Variants in RC3H1 observed in about 807,000 individuals in gnomAD.
RC3H1 encodes ring finger and CCCH-type domains 1.
Under a neutral mutation model 138.2 loss-of-function variants are expected in RC3H1, and 50 were observed. The observed-to-expected ratio is 0.36, with a 90% CI of 0.29 to 0.46. The LOEUF (loss-of-function observed/expected upper bound fraction) is 0.46. Ranked by LOEUF, RC3H1 falls within the 20% of genes least tolerant of loss-of-function variation. The pLI is 1.00. For missense variants in RC3H1, 1,031 were observed against 1,388.1 expected (o/e 0.74, Z 4.09); for synonymous variants, 462 against 489.1 (o/e 0.94, Z 0.73).
chr1:173,971,770 T>C (rs1282231305), intron 8 of RC3H1, among the ~76,000 whole-genome samples: 1 of 152,222 alleles, frequency 6.6e-6, no homozygotes, highest in Admixed American at 6.5e-5. Flanking sequence ...TCCAGATTAT[T>C]TTACTTAGCA....
At chr1:173,991,553 T>C (rs748534643) in intron 2 of RC3H1, among the ~76,000 whole-genome samples, 5 of 152,236 alleles carry the variant, frequency 3.3e-5, no homozygotes, top group Non-Finnish European at 7.3e-5. Context: ...TTCCTGATCT[T>C]ACAGAAAAAG....
intron 7 of RC3H1, among the ~76,000 whole-genome samples, chr1:173,975,888 A>G (rs1660555892): frequency 2.3e-5 from 1 of 44,434 alleles, no homozygotes; most frequent in Non-Finnish European, 3.1e-5. Flanking sequence ...ACAGAGCGAG[A>G]CTCCGTCTCA....
At chr1:173,981,549 A>C (rs1660821426) in intron 5 of RC3H1, among the ~76,000 whole-genome samples, 2 of 152,232 alleles carry the variant, frequency 1.3e-5, no homozygotes, top group South Asian at 4.1e-4. Flanking sequence ...AAAAATACTA[A>C]TACAATTCTA....
chr1:173,946,638 T>C lies in RC3H1; in HGVS notation c.2829-30A>G, dbSNP rs774488580. On this transcript the variant is annotated intron_variant, in intron 16 of 19. Coordinates refer to ENST00000367696, the MANE Select transcript of RC3H1 (RefSeq NM_172071.4). ...GGTTAGAAAGAAAGTGTGAATCAAATTTTAACATTTCATTTTGTTAACATA... is the reference window on the plus strand; with the variant it reads ...GGTTAGAAAGAAAGTGTGAATCAAACTTTAACATTTCATTTTGTTAACATA... 14 of 1,610,766 alleles carry C rather than the reference T, an allele frequency of 8.7e-6. No homozygotes were observed. The African/African-American group carries it at 1.9e-4, about 22-fold the overall frequency.
At chr1:173,964,780 A>G in intron 10 of RC3H1, 59 bp downstream of exon 10, 2 of 1,405,116 alleles carry the variant, frequency 1.4e-6, no homozygotes, top group South Asian at 1.3e-5. Context: ...TAATTATTCT[A>G]TCTTCCTTCG....
At chr1:173,963,664 T>C (rs903425537) in intron 11 of RC3H1, among the ~76,000 whole-genome samples, 1 of 152,216 alleles carries the variant, frequency 6.6e-6, no homozygotes, top group African/African-American at 2.4e-5. Flanking sequence ...CAGGAGAATA[T>C]ATGCTGCCTT....
At chr1:173,975,400 G>A (rs1014136776) in intron 7 of RC3H1, among the ~76,000 whole-genome samples, 3 of 151,916 alleles carry the variant, frequency 2.0e-5, no homozygotes, top group Non-Finnish European at 2.9e-5. Context: ...GGCCGAGAAA[G>A]CAGTTTTATA....
intron 13 of RC3H1, among the ~76,000 whole-genome samples, chr1:173,960,053 A>G (rs1453685265): frequency 7.4e-6 from 1 of 134,372 alleles, no homozygotes; most frequent in Non-Finnish European, 1.5e-5. Context: ...GGTTGCAGTG[A>G]GTTGAGATTG....
chr1:173,937,951 C>T lies in RC3H1; in HGVS notation c.*770G>A, dbSNP rs770618791. On this transcript the variant is annotated 3_prime_UTR_variant, in exon 20 of 20. Coordinates refer to ENST00000367696, the MANE Select transcript of RC3H1 (RefSeq NM_172071.4). ...TAAATCTAATTAAACACTGAATCAG[C>T]TTTCTGATTATATTAAGAGAATGCA... The T allele has an allele frequency of 4.6e-5, 7 of 152,092 alleles. No homozygotes were observed. Among genetic ancestry groups the T allele is most frequent in the Non-Finnish European group, 8.8e-5 (6 of 68,014 alleles). 9.4% of individuals were successfully genotyped at this position (152,092 alleles called of 1,614,324 possible).
intron 1 of RC3H1, among the ~76,000 whole-genome samples, chr1:174,002,397 T>C (rs990223128): frequency 6.6e-6 from 1 of 152,202 alleles, no homozygotes; most frequent in African/African-American, 2.4e-5. Flanking sequence ...TTTCAGGTTG[T>C]TAAATACTAT....
At chr1:174,015,248 C>T (rs540455258) in intron 1 of RC3H1, among the ~76,000 whole-genome samples, 1 of 141,474 alleles carries the variant, frequency 7.1e-6, no homozygotes, top group South Asian at 2.2e-4. Context: ...TAATTATAGG[C>T]CTTTTTTTTT....
At chr1:173,961,419 C>T (rs1659869912) in intron 12 of RC3H1, among the ~76,000 whole-genome samples, 175 bp from the exon 13 acceptor site, 1 of 152,124 alleles carries the variant, frequency 6.6e-6, no homozygotes, top group Non-Finnish European at 1.5e-5. Flanking sequence ...CTCTCAAGAT[C>T]TTCCAAATAG....
intron 13 of RC3H1, among the ~76,000 whole-genome samples, chr1:173,960,049 A>G (rs562036456): frequency 8.4e-4 from 117 of 139,962 alleles, no homozygotes; most frequent in African/African-American, 3.1e-3. Flanking sequence ...TGGAGGTTGC[A>G]GTGAGTTGAG....
intron 2 of RC3H1, among the ~76,000 whole-genome samples, chr1:173,989,712 T>TA (rs1661182907): frequency 1.8e-5 from 2 of 109,726 alleles, no homozygotes; most frequent in African/African-American, 6.5e-5. Flanking sequence ...TTATTCAAGT[T>TA]TTTTTTTTTT....
intron 17 of RC3H1, among the ~76,000 whole-genome samples, chr1:173,944,637 G>T (rs770068647): frequency 6.6e-6 from 1 of 152,132 alleles, no homozygotes; most frequent in Non-Finnish European, 1.5e-5. Context: ...TTGGGTTGAA[G>T]GTCTGAATCT....
chr1:173,952,336 A>T (rs1659441856), intron 13 of RC3H1, among the ~76,000 whole-genome samples, 198 bp from the exon 14 acceptor site: 1 of 148,424 alleles, frequency 6.7e-6, no homozygotes, highest in Non-Finnish European at 1.5e-5. Context: ...ATATAAAATA[A>T]GTGAAGAGTG....
intron 9 of RC3H1, among the ~76,000 whole-genome samples, chr1:173,969,924 A>AT (rs942972767): frequency 6.6e-6 from 1 of 151,656 alleles, no homozygotes; most frequent in Admixed American, 6.6e-5. Flanking sequence ...TATAATTTTA[A>AT]TTTTTTTTGT....
At position 173,938,737 on chromosome 1, in the gene RC3H1, G is replaced by C. The variant is rs757377136; in HGVS notation, c.3386C>G (p.Pro1129Arg). ...CCTCATATTTTAAGGAGCAGAACTG[G>C]GAGTAACTCCTGATCTCTGGGAGTC... Reference protein sequence around the residue: ...NNDSQRSGVTPSSAP With the variant: ...NNDSQRSGVTRSSAP Residue 1129 changes from proline (P) to arginine (R), a missense_variant, in exon 20 of 20, where the codon CCC (proline) becomes CGC (arginine). Pro to Arg is a moderately radical substitution (Grantham distance 103). Coordinates refer to ENST00000367696, the MANE Select transcript of RC3H1 (RefSeq NM_172071.4). The C allele has an allele frequency of 1.2e-6, 2 of 1,610,556 alleles. No homozygotes were observed. The highest frequency in any genetic ancestry group is 2.2e-5 in the South Asian group (2 of 90,566).
chr1:173,976,923 CT>C (rs542743644), intron 7 of RC3H1, among the ~76,000 whole-genome samples: 34,490 of 132,312 alleles, frequency 0.26, 7,414 homozygotes, highest in African/African-American at 0.64. Context: ...GATGTGATTT[CT>C]TTTTTTTTTT....
Sources: gnomAD v4.1 joint callset for allele counts (sites outside exome capture counted in the v4.1 genomes callset) on GRCh38, gnomAD v4.1.1 for gene constraint, MANE v1.5 for transcripts, NCBI Gene and HGNC (gene_info 2026-07-23, HGNC 2026-07-21) for gene names.